Variants in ATP13A1 observed in about 807,000 individuals in gnomAD.
ATP13A1 encodes endoplasmic reticulum transmembrane helix translocase.
A neutral mutation model predicts 134.8 loss-of-function variants in ATP13A1; 55 were observed. The ratio of observed to expected loss-of-function variants is 0.41; its 90% CI spans 0.33 to 0.51. The LOEUF (loss-of-function observed/expected upper bound fraction) is 0.51, where lower values mean the gene tolerates loss of function less well. Ranked by LOEUF, ATP13A1 falls within the 20% of genes least tolerant of loss-of-function variation. The pLI, the probability that ATP13A1 is intolerant of heterozygous loss-of-function variation, is 0.29. For synonymous variants in ATP13A1, 775 were observed against 725.1 expected (o/e 1.07, Z -1.10); for missense variants, 1,389 against 1,652.8 (o/e 0.84, Z 2.77).
chr19:19,661,981 T>C lies in ATP13A1; in HGVS notation c.396+1290A>G. The C allele has an allele frequency of 8.6e-6, 13 of 1,511,496 alleles. No individual in the cohort carries two copies. The South Asian group carries it at 1.6e-4, about 18-fold the overall frequency. 93.6% of individuals were successfully genotyped at this position (1,511,496 alleles called of 1,614,324 possible). A position where few individuals can be genotyped will look rare whatever the true frequency, so the allele number is the denominator to read the frequency against. On this transcript the variant is annotated intron_variant, in intron 1 of 25. Transcript: ENST00000357324. Reference sequence around the variant, plus strand: ...GCTTCTCAAGATGGCACCCAGTAGTTGTTAGTTACGGTTCTCAGTTTACAG... The same window carrying C: ...GCTTCTCAAGATGGCACCCAGTAGTCGTTAGTTACGGTTCTCAGTTTACAG...
intron 15 of ATP13A1, 99 bp from the exon 16 acceptor site, chr19:19,652,819 T>C (rs1189586144): frequency 6.9e-7 from 1 of 1,442,876 alleles, no homozygotes; most frequent in African/African-American, 1.4e-5. Flanking sequence ...AAGGGGACAA[T>C]GGAAGGCCCT....
rs200851375 is a variant in ATP13A1 at position 19,647,402 on chromosome 19, C to T, written c.2908+12G>A. On this transcript the variant is annotated intron_variant, in intron 21 of 25. Transcript: ENST00000357324. The surrounding 1 kb of genome is among the most constrained non-coding windows in gnomAD (Gnocchi z 4.8). ...GGAATGAAGGGAGGGGGAGCGGGGG[C>T]AGGCAACTCACTGCACTGGATGGAT... The T allele has an allele frequency of 2.4e-5, 39 of 1,609,692 alleles. No individual in the cohort carries two copies. In the African/African-American group the frequency reaches 4.7e-4, roughly 19 times the overall value.
Position 19,657,105 on chromosome 19 carries a change from G to T in ATP13A1, c.795C>A (p.Tyr265Ter). ...CCAGCATGGATAGCGTAAAGACGCT[G>T]TAGTACCAGTACTCATCCAGGCACC... ...GLWCLDEYWY[Y>*]SVFTLSMLVA... The change falls in exon 5 of 26, where the codon TAC becomes TAA. Residue 265 changes from tyrosine to a stop codon, truncating the protein, a stop_gained. Coordinates refer to ENST00000357324, the MANE Select transcript of ATP13A1 (RefSeq NM_020410.3). LOFTEE classifies it high-confidence loss of function. The T allele has an allele frequency of 6.5e-7, 1 of 1,528,128 alleles. No individual in the cohort carries two copies. Among genetic ancestry groups the T allele is most frequent in the Non-Finnish European group, 8.8e-7 (1 of 1,138,084 alleles). 94.7% of individuals were successfully genotyped at this position (1,528,128 alleles called of 1,614,324 possible).
chr19:19,654,967 C>T (rs2062047838), intron 12 of ATP13A1, among the ~76,000 whole-genome samples, 152 bp downstream of exon 12: 1 of 152,218 alleles, frequency 6.6e-6, no homozygotes, highest in African/African-American at 2.4e-5. Context: ...GGCTGACACC[C>T]AGGACTTTGT....
chr19:19,650,442 C>T (rs1386827599), intron 17 of ATP13A1: 1 of 164,520 alleles, frequency 6.1e-6, no homozygotes, highest in Non-Finnish European at 1.3e-5. Flanking sequence ...CTGGCCCTGG[C>T]TTGGATGCTG....
In ATP13A1 at chr19:19,645,504, A is replaced by G; in HGVS notation, c.3533T>C (p.Leu1178Pro). The G allele has an allele frequency of 6.2e-7, 1 of 1,606,376 alleles. No individual in the cohort carries two copies. Among genetic ancestry groups the G allele is most frequent in the Non-Finnish European group, 8.5e-7 (1 of 1,176,712 alleles). Residue 1178 changes from leucine (L) to proline (P), a missense_variant, in exon 26 of 26, where the codon CTC (leucine) becomes CCC (proline). Transcript: ENST00000357324. The surrounding 1 kb of genome is among the most constrained non-coding windows in gnomAD (Gnocchi z 4.1). Reference sequence around the variant, plus strand: ...CAGGAGCGCCAGGCAGAAGTCCAGGAGCAGGACCTGGGCAATGACCAGCTT... The same window carrying G: ...CAGGAGCGCCAGGCAGAAGTCCAGGGGCAGGACCTGGGCAATGACCAGCTT... The part of the protein sequence containing the change: ...EFKLVIAQVL[L>P]LDFCLALLAD...
At position 19,659,627 on chromosome 19, in the gene ATP13A1, T is replaced by C; in HGVS notation, c.651A>G (p.Ala217=). Residue 217 remains alanine (A), a synonymous_variant, in exon 3 of 26, where the codon GCA becomes GCG. Transcript: ENST00000357324. ...RGFQEDSEIR[A]AEKKFGSNKA... ...TGTTGCTCCCAAATTTCTTCTCAGC[T>C]GCTCGGATCTCTGAGTCTTCCTGGA... is the stretch of plus-strand genomic sequence containing the variant. 6.2e-7 allele frequency: 1 copy of C among 1,612,616 alleles called. No individual in the cohort carries two copies. The highest frequency in any genetic ancestry group is 1.1e-5 in the South Asian group (1 of 91,066).
chr19:19,656,705 G>A lies in ATP13A1; in HGVS notation c.1038C>T (p.Ile346=), dbSNP rs149892368. 229 of 1,613,708 alleles carry A rather than the reference G, an allele frequency of 1.4e-4. No homozygotes were observed. The highest frequency in any genetic ancestry group is 1.9e-4 in the African/African-American group (14 of 74,942). The change falls in exon 7 of 26, where the codon ATC becomes ATT. Residue 346 remains isoleucine, a synonymous_variant. Coordinates refer to ENST00000357324, the MANE Select transcript of ATP13A1 (RefSeq NM_020410.3). This position sits in a 1 kb window ranked among gnomAD's most constrained non-coding sequence, Gnocchi z 4.6. ...CCCCCGTGAGCATGGCCTCGTCTACGATGCAGCGGCCTCGCAGCAGAAGCA... is the reference window on the plus strand; with the variant it reads ...CCCCCGTGAGCATGGCCTCGTCTACAATGCAGCGGCCTCGCAGCAGAAGCA... ...CDVLLLRGRC[I]VDEAMLTGES... is the part of the protein sequence containing the mutation.
Position 19,653,376 on chromosome 19 carries a change from C to T in ATP13A1, c.2100+408G>A, listed in dbSNP as rs1018195268. 1.2e-5 allele frequency: 3 copies of T among 245,258 alleles called. No individual in the cohort carries two copies. Among genetic ancestry groups the T allele is most frequent in the South Asian group, 5.5e-5 (1 of 18,042 alleles). 15.2% of individuals were successfully genotyped at this position (245,258 alleles called of 1,614,324 possible). On this transcript the variant is annotated intron_variant, in intron 15 of 25. Coordinates refer to ENST00000357324, the MANE Select transcript of ATP13A1 (RefSeq NM_020410.3). This position sits in a 1 kb window ranked among gnomAD's most constrained non-coding sequence, Gnocchi z 4.2. ...TGAGGCTAAATTCTGGAAGGATCCG[C>T]AGCTGTAGGGTGCAAGCAGAAAGAA...
intron 19 of ATP13A1, 140 bp downstream of exon 19, chr19:19,649,427 T>C (rs2062009648): frequency 2.2e-6 from 2 of 901,100 alleles, no homozygotes; most frequent in Admixed American, 2.1e-5. Context: ...TCAAAGCCCC[T>C]GACCTTGCCA....
In ATP13A1 at chr19:19,655,914, C is replaced by T; in HGVS notation, c.1233G>A (p.Val411=). Residue 411 remains valine, a synonymous_variant, in exon 9 of 26, where the codon GTG becomes GTA. Coordinates refer to ENST00000357324, the MANE Select transcript of ATP13A1 (RefSeq NM_020410.3). The surrounding 1 kb of genome is among the most constrained non-coding windows in gnomAD (Gnocchi z 5.7). ...TGAATCCGGTCCGCAGGACGTAGGC[C>T]ACGCACCCGCTGTCAACCGCTGGGG... ...TGLKPVDSGC[V]AYVLRTGFNT... is the part of the protein sequence containing the mutation. The T allele has an allele frequency of 6.3e-7, 1 of 1,599,810 alleles. No individual in the cohort carries two copies.
rs951151983 is a variant in ATP13A1 at position 19,653,929 on chromosome 19, C to A, written c.1990-35G>T. The stretch of plus-strand genomic sequence containing the variant: ...ATGCAGGGGGATGTCACGGGCTGCC[C>A]CGCGCCCCCACCCCTTGCCCCAGGC... On this transcript the variant is annotated intron_variant, in intron 14 of 25. Coordinates refer to ENST00000357324, the MANE Select transcript of ATP13A1 (RefSeq NM_020410.3). The surrounding 1 kb of genome is among the most constrained non-coding windows in gnomAD (Gnocchi z 4.2). The A allele has an allele frequency of 6.4e-7, 1 of 1,570,436 alleles. No individual in the cohort carries two copies. Among genetic ancestry groups the A allele is most frequent in the African/African-American group, 1.4e-5 (1 of 74,016 alleles).
At position 19,660,123 on chromosome 19, in the gene ATP13A1, A is replaced by G. The variant is rs2062085037; in HGVS notation, c.397-136T>C. 5.1e-5 allele frequency: 36 copies of G among 711,108 alleles called. 1 individual carries two copies. In the South Asian group the frequency reaches 5.4e-4, roughly 11 times the overall value. The allele number at this position is 711,108 out of a possible 1,614,324, so 44.0% of individuals were successfully genotyped here. The stretch of plus-strand genomic sequence containing the variant: ...ACTGGGCTCTGGTGCTGCCTCTGTC[A>G]CTCCCTCGTCTGTCATCAGGACAAA... On this transcript the variant is annotated intron_variant, in intron 1 of 25. Transcript: ENST00000357324.
chr19:19,658,484 A>G (rs947974315), intron 3 of ATP13A1, among the ~76,000 whole-genome samples: 1 of 152,188 alleles, frequency 6.6e-6, no homozygotes, highest in Non-Finnish European at 1.5e-5. Context: ...AAGTTGCTAA[A>G]TGTTTCTTAT....
intron 1 of ATP13A1, chr19:19,662,077 C>A: frequency 6.3e-7 from 1 of 1,576,188 alleles, no homozygotes; most frequent in African/African-American, 1.3e-5. Context: ...AGATCCACCT[C>A]TCCTGGCTGA....
At position 19,655,737 on chromosome 19, in the gene ATP13A1, G is replaced by A. The variant is rs1166197704; in HGVS notation, c.1270-83C>T. On this transcript the variant is annotated intron_variant, in intron 9 of 25. Coordinates refer to ENST00000357324, the MANE Select transcript of ATP13A1 (RefSeq NM_020410.3). The surrounding 1 kb of genome is among the most constrained non-coding windows in gnomAD (Gnocchi z 5.7). ...CTGGAAGCGTGGGCCTGGTCTTGGGGTGGCCTCTGCACCCTGGCCCAGGTC... is the reference window on the plus strand; with the variant it reads ...CTGGAAGCGTGGGCCTGGTCTTGGGATGGCCTCTGCACCCTGGCCCAGGTC... The A allele has an allele frequency of 6.4e-7, 1 of 1,550,904 alleles. No individual in the cohort carries two copies. The highest frequency in any genetic ancestry group is 8.7e-7 in the Non-Finnish European group (1 of 1,147,924).
At position 19,663,169 on chromosome 19, in the gene ATP13A1, T is replaced by C. The variant is rs761496579; in HGVS notation, c.396+102A>G. 15 of 1,499,692 alleles carry C rather than the reference T, an allele frequency of 1.0e-5. No homozygotes were observed. In the South Asian group the frequency reaches 1.8e-4, roughly 18 times the overall value. The allele number at this position is 1,499,692 out of a possible 1,614,324, so 92.9% of individuals were successfully genotyped here. A position where few individuals can be genotyped will look rare whatever the true frequency, so the allele number is the denominator to read the frequency against. ...CCCCTGGGAATCCAGGCCAGGCAGA[T>C]GAGTGGCCCAGGTCGCGATGGTGAC... On this transcript the variant is annotated intron_variant, in intron 1 of 25. Transcript: ENST00000357324.
At chr19:19,650,270 T>C (rs979930095) in intron 17 of ATP13A1, 1 of 411,510 alleles carries the variant, frequency 2.4e-6, no homozygotes, top group Non-Finnish European at 4.4e-6. Flanking sequence ...AGGGGGCTAT[T>C]GCGCTCTCCT....
chr19:19,651,650 G>C, intron 17 of ATP13A1, 39 bp downstream of exon 17: 3 of 1,539,438 alleles, frequency 1.9e-6, no homozygotes, highest in Non-Finnish European at 2.7e-6. Flanking sequence ...TTGGACTCAG[G>C]GTCCCCCTTC....
Sources: allele counts gnomAD v4.1 joint callset (sites outside exome capture counted in the v4.1 genomes callset), GRCh38; gene constraint gnomAD v4.1.1; non-coding constraint Gnocchi (gnomAD v3.1); transcripts MANE v1.5; gene names NCBI Gene and HGNC (gene_info 2026-07-23, HGNC 2026-07-21).